ITK: variants seen among roughly 807,000 people sequenced by gnomAD.
ITK encodes the protein tyrosine-protein kinase ITK/TSK.
In ITK, 45 loss-of-function variants were observed where a neutral mutation model predicts 87.6. The ratio of observed to expected loss-of-function variants is 0.51; its 90% CI spans 0.40 to 0.66. The LOEUF (loss-of-function observed/expected upper bound fraction) is 0.66. ITK is among the 30% of genes least tolerant of loss of function. ITK has a pLI of 0.00. For missense variants in ITK, 605 were observed against 766.3 expected (o/e 0.79, Z 2.48); for synonymous variants, 303 against 273.6 (o/e 1.11, Z -1.06).
intron 5 of ITK, among the ~76,000 whole-genome samples, chr5:157,222,412 T>A (rs764764709): frequency 1.3e-4 from 20 of 152,246 alleles, no homozygotes; most frequent in Non-Finnish European, 2.1e-4. Flanking sequence ...AGTTTCCTCA[T>A]CCTAAATGAA....
chr5:157,228,961 G>T (rs560445275), intron 7 of ITK, among the ~76,000 whole-genome samples: 1 of 152,294 alleles, frequency 6.6e-6, no homozygotes, highest in Non-Finnish European at 1.5e-5. Context: ...GAGCACAGAA[G>T]TTGGCTCTAA....
rs768731352 is a variant in ITK at position 157,246,048 on chromosome 5, A to T, written c.1633+49A>T. 7.0e-6 allele frequency: 9 copies of T among 1,278,602 alleles called. No homozygotes were observed. The South Asian group carries it at 7.1e-5, about 10-fold the overall frequency. The allele number at this position is 1,278,602 out of a possible 1,614,324, so 79.2% of individuals were successfully genotyped here. Reference sequence around the variant, plus strand: ...TGCCCCATGATCTGGGCTTCAGGCCAGCTGTTTCCTTTATCAAATGCAGAC... The same window carrying T: ...TGCCCCATGATCTGGGCTTCAGGCCTGCTGTTTCCTTTATCAAATGCAGAC... On this transcript the variant is annotated intron_variant, in intron 15 of 16. Coordinates refer to ENST00000422843, the MANE Select transcript of ITK (RefSeq NM_005546.4).
intron 5 of ITK, among the ~76,000 whole-genome samples, chr5:157,221,988 T>TA (rs879074634): frequency 1.5e-3 from 221 of 147,430 alleles, no homozygotes; most frequent in South Asian, 4.5e-3. Flanking sequence ...CTGTCTCTCT[T>TA]AAAAAAAAAA....
chr5:157,239,380 G>A (rs1383170050), intron 9 of ITK, among the ~76,000 whole-genome samples: 2 of 152,170 alleles, frequency 1.3e-5, no homozygotes, highest in Non-Finnish European at 1.5e-5. Flanking sequence ...CCACACGTTA[G>A]CAGTCTACCA....
chr5:157,236,801 A>G (rs1210731350), intron 8 of ITK, among the ~76,000 whole-genome samples: 1 of 152,112 alleles, frequency 6.6e-6, no homozygotes, highest in Non-Finnish European at 1.5e-5. Context: ...CAAAACTGTC[A>G]GGGTGGCGAA....
chr5:157,253,237 GA>G lies in ITK; in HGVS notation c.*561del. The G allele has an allele frequency of 4.0e-6, 1 of 251,956 alleles. No individual in the cohort carries two copies. The highest frequency in any genetic ancestry group is 7.9e-6 in the Non-Finnish European group (1 of 127,066). 15.6% of individuals were successfully genotyped at this position (251,956 alleles called of 1,614,324 possible). On this transcript the variant is annotated 3_prime_UTR_variant, in exon 17 of 17. Transcript: ENST00000422843. The stretch of plus-strand genomic sequence containing the variant: ...GTCAGCCACAGCTTCCTGCCGTAGA[GA>G]ATGATAGAGCAGCTGCTCACACAGG...
intron 1 of ITK, among the ~76,000 whole-genome samples, chr5:157,200,662 T>G (rs1753947111): frequency 6.6e-6 from 1 of 152,060 alleles, no homozygotes; most frequent in South Asian, 2.1e-4. Context: ...TGGTGGTGGA[T>G]CCCAAGCACT....
intron 1 of ITK, among the ~76,000 whole-genome samples, chr5:157,197,894 T>C (rs532491093): frequency 1.1e-4 from 16 of 152,356 alleles, no homozygotes; most frequent in Admixed American, 2.0e-4. Flanking sequence ...TTATATATTT[T>C]GAACAAATGT....
At chr5:157,249,118 T>A in intron 16 of ITK, 111 bp downstream of exon 16, 2 of 908,260 alleles carry the variant, frequency 2.2e-6, no homozygotes, top group South Asian at 2.7e-5. Context: ...GGATAACTAA[T>A]ATAGATTAGC....
rs1265674830 is a variant in ITK at position 157,217,813 on chromosome 5, T to TG, written c.455-51dup. On this transcript the variant is annotated intron_variant, in intron 4 of 16. Transcript: ENST00000422843. ...AACCCCCTGGCTGCTCACTTCCGGT[T>TG]GGGTCCATTAGTTTTCATGCTCATT... The TG allele has an allele frequency of 1.5e-5, 23 of 1,537,012 alleles. No individual in the cohort carries two copies. The East Asian group carries it at 5.2e-4, about 35-fold the overall frequency.
intron 1 of ITK, among the ~76,000 whole-genome samples, chr5:157,191,054 A>G (rs967605653): frequency 6.6e-6 from 1 of 152,182 alleles, no homozygotes; most frequent in Admixed American, 6.5e-5. Flanking sequence ...AGTCTCCTGC[A>G]GTGGTCTCCT....
intron 3 of ITK, chr5:157,213,721 A>AC (rs1318078745): frequency 1.8e-5 from 6 of 341,924 alleles, no homozygotes; most frequent in African/African-American, 6.5e-5. Flanking sequence ...TCAGTAGCAG[A>AC]CCCCCCTTTT....
intron 10 of ITK, 143 bp from the exon 11 acceptor site, chr5:157,241,503 A>G: frequency 1.4e-6 from 1 of 693,964 alleles, no homozygotes; most frequent in Non-Finnish European, 2.6e-6. Context: ...TATGATATCA[A>G]TAATTAGGCT....
intron 1 of ITK, 130 bp downstream of exon 1, chr5:157,181,245 A>G: frequency 9.9e-7 from 1 of 1,014,642 alleles, no homozygotes; most frequent in South Asian, 1.3e-5. Context: ...ACAACATAAA[A>G]AGTACAGTAA....
At chr5:157,192,825 A>G (rs1420929909) in intron 1 of ITK, among the ~76,000 whole-genome samples, 2 of 152,190 alleles carry the variant, frequency 1.3e-5, no homozygotes, top group Admixed American at 6.5e-5. Flanking sequence ...TGAATAGTAG[A>G]AATGAAAAGA....
At chr5:157,243,893 C>G in intron 12 of ITK, 99 bp downstream of exon 12, 1 of 1,121,838 alleles carries the variant, frequency 8.9e-7, no homozygotes, top group Non-Finnish European at 1.4e-6. Flanking sequence ...TATCTCCCTG[C>G]GCAAACTCCC....
intron 1 of ITK, among the ~76,000 whole-genome samples, chr5:157,205,627 A>T (rs987256755): frequency 2.6e-5 from 4 of 152,226 alleles, no homozygotes; most frequent in African/African-American, 9.7e-5. Context: ...TACTAAGGAC[A>T]GTCACATGGG....
intron 7 of ITK, among the ~76,000 whole-genome samples, chr5:157,232,003 A>T (rs972428170): frequency 6.6e-6 from 1 of 152,310 alleles, no homozygotes; most frequent in African/African-American, 2.4e-5. Flanking sequence ...AAAATTTCCA[A>T]TGTATACAAA....
At chr5:157,229,093 A>T (rs1209139061) in intron 7 of ITK, among the ~76,000 whole-genome samples, 1 of 152,222 alleles carries the variant, frequency 6.6e-6, no homozygotes, top group Non-Finnish European at 1.5e-5. Flanking sequence ...AGATAGACTG[A>T]TAGATAAATA....
Sources: allele counts gnomAD v4.1 joint callset (sites outside exome capture counted in the v4.1 genomes callset), GRCh38; gene constraint gnomAD v4.1.1; transcripts MANE v1.5; gene names NCBI Gene and HGNC (gene_info 2026-07-23, HGNC 2026-07-21).